BLMH: variants seen among roughly 807,000 people sequenced by gnomAD.
BLMH encodes the protein BLM hydrolase.
A neutral mutation model predicts 61.6 loss-of-function variants in BLMH; 32 were observed. The observed-to-expected ratio is 0.52, with a 90% CI of 0.39 to 0.70. The LOEUF is 0.70. Among genes scored for constraint, BLMH ranks in the 30% least tolerant of loss-of-function variants. BLMH has a pLI of 0.00. For missense variants in BLMH, 460 were observed against 555.5 expected, an observed-to-expected ratio of 0.83 and a Z score of 1.73; for synonymous variants, 183 against 193.8, an observed-to-expected ratio of 0.94 and a Z score of 0.46.
At chr17:30,270,519 A>T (rs1908240689) in intron 10 of BLMH, among the ~76,000 whole-genome samples, 1 of 151,614 alleles carries the variant, frequency 6.6e-6, no homozygotes, top group African/African-American at 2.4e-5. Context: ...AAAAAAAAAA[A>T]TGATTTTCTA....
intron 4 of BLMH, 136 bp from the exon 5 acceptor site, chr17:30,287,038 G>T: frequency 3.1e-6 from 2 of 638,330 alleles, no homozygotes; most frequent in Non-Finnish European, 2.7e-6. Flanking sequence ...TATGAAGCAG[G>T]GTTTTTTGTT....
intron 9 of BLMH, 82 bp downstream of exon 9, chr17:30,272,479 G>A (rs1332495199): frequency 1.1e-5 from 16 of 1,499,962 alleles, no homozygotes; most frequent in East Asian, 9.0e-5. Flanking sequence ...GATGAACCTC[G>A]GCAGAGTCAT....
chr17:30,287,767 C>T, intron 4 of BLMH, 39 bp downstream of exon 4: 1 of 1,608,728 alleles, frequency 6.2e-7, no homozygotes, highest in Non-Finnish European at 8.5e-7. Context: ...CTTACTTAAT[C>T]ATGCTGAGTT....
At chr17:30,255,665 G>A (rs553476256) in intron 11 of BLMH, among the ~76,000 whole-genome samples, 3 of 152,270 alleles carry the variant, frequency 2.0e-5, no homozygotes, top group Non-Finnish European at 2.9e-5. Context: ...TTGGGAGGCC[G>A]AGGCGGGCAG....
chr17:30,274,665 G>GA (rs1908369107), intron 6 of BLMH, among the ~76,000 whole-genome samples: 1 of 152,080 alleles, frequency 6.6e-6, no homozygotes, highest in South Asian at 2.1e-4. Context: ...GGAGTTGGAT[G>GA]ACAATGCCTG....
In BLMH at chr17:30,248,436, AC is replaced by A; in HGVS notation, c.*580del. On this transcript the variant is annotated 3_prime_UTR_variant, in exon 12 of 12. Transcript: ENST00000261714. The stretch of plus-strand genomic sequence containing the variant: ...ACCTGACTCAAGCAGAGATGTGCAC[AC>A]CCCACAGTTCAGAACAGGAAGGAAT... The A allele has an allele frequency of 6.9e-6, 1 of 143,998 alleles. No individual in the cohort carries two copies. Among genetic ancestry groups the A allele is most frequent in the East Asian group, 2.0e-4 (1 of 5,066 alleles). The allele number at this position is 143,998 out of a possible 1,614,324, so 8.9% of individuals were successfully genotyped here.
chr17:30,285,332 G>T, intron 6 of BLMH, 56 bp downstream of exon 6: 1 of 1,205,508 alleles, frequency 8.3e-7, no homozygotes, highest in Non-Finnish European at 1.2e-6. Context: ...TAACAGATGG[G>T]AATATTCTGA....
chr17:30,259,105 G>A (rs985583302), intron 11 of BLMH, among the ~76,000 whole-genome samples: 4 of 152,158 alleles, frequency 2.6e-5, no homozygotes, highest in Non-Finnish European at 5.9e-5. Context: ...TATCCCGTGT[G>A]TGACTCTGCG....
At chr17:30,263,316 G>A (rs1218633399) in intron 11 of BLMH, among the ~76,000 whole-genome samples, 1 of 152,094 alleles carries the variant, frequency 6.6e-6, no homozygotes, top group Non-Finnish European at 1.5e-5. Context: ...GGAATCAAAG[G>A]TGACTTCCTT....
intron 2 of BLMH, chr17:30,291,031 A>T (rs1289584967): frequency 4.8e-6 from 2 of 414,838 alleles, no homozygotes; most frequent in Non-Finnish European, 8.8e-6. Flanking sequence ...CACGGGCTAC[A>T]AACCACACAG....
intron 7 of BLMH, chr17:30,273,837 A>G: frequency 1.6e-6 from 1 of 627,244 alleles, no homozygotes; most frequent in Non-Finnish European, 2.7e-6. Flanking sequence ...AAGTCTCTGA[A>G]GAGGAACATT....
chr17:30,276,963 T>C (rs1197034986), intron 6 of BLMH, among the ~76,000 whole-genome samples: 1 of 152,234 alleles, frequency 6.6e-6, no homozygotes, highest in Non-Finnish European at 1.5e-5. Flanking sequence ...GAACACATTA[T>C]CTTTTGTGTC....
At chr17:30,260,928 C>G (rs899422250) in intron 11 of BLMH, among the ~76,000 whole-genome samples, 3 of 152,092 alleles carry the variant, frequency 2.0e-5, no homozygotes, top group African/African-American at 7.2e-5. Context: ...TATCAAAGAA[C>G]CCAGAATCCA....
intron 5 of BLMH, 98 bp downstream of exon 5, chr17:30,286,716 C>T: frequency 1.3e-6 from 1 of 797,730 alleles, no homozygotes; most frequent in Non-Finnish European, 2.1e-6. Flanking sequence ...TTATCTTGTA[C>T]ACAAACTGTA....
At chr17:30,273,783 G>T in intron 7 of BLMH, 1 of 511,076 alleles carries the variant, frequency 2.0e-6, no homozygotes. Context: ...TCCTATACAG[G>T]GGCGCATGTG....
intron 10 of BLMH, among the ~76,000 whole-genome samples, chr17:30,267,200 CAA>C (rs1006853350): frequency 1.3e-5 from 2 of 152,094 alleles, no homozygotes; most frequent in Non-Finnish European, 2.9e-5. Context: ...AATAAACTAA[CAA>C]AGCAATAAAT....
At chr17:30,287,440 A>G (rs1284290936) in intron 4 of BLMH, among the ~76,000 whole-genome samples, 1 of 152,216 alleles carries the variant, frequency 6.6e-6, no homozygotes, top group Non-Finnish European at 1.5e-5. Context: ...ATACTTTTGT[A>G]AAGTGCTCAG....
chr17:30,273,429 T>A, intron 7 of BLMH: 1 of 157,998 alleles, frequency 6.3e-6, no homozygotes, highest in Non-Finnish European at 1.4e-5. Flanking sequence ...AGCCTCCCAG[T>A]GTGCTGGGAT....
rs1240330228 is a variant in BLMH, at chr17:30,286,764, T to C, written c.552+50A>G. 2.2e-6 allele frequency: 3 copies of C among 1,377,112 alleles called. No homozygotes were observed. The South Asian group carries it at 3.6e-5, about 16-fold the overall frequency. The allele number at this position is 1,377,112 out of a possible 1,614,324, so 85.3% of individuals were successfully genotyped here. A position where few individuals can be genotyped will look rare whatever the true frequency, so the allele number is the denominator to read the frequency against. ...CAGGAACCCCTTTTAAAAAATAAGT[T>C]TGAAGGAAAGTACACTAAACTCAAT... is the stretch of plus-strand genomic sequence containing the variant. On this transcript the variant is annotated intron_variant, in intron 5 of 11. Coordinates refer to ENST00000261714, the MANE Select transcript of BLMH (RefSeq NM_000386.4).
Sources: allele counts gnomAD v4.1 joint callset (sites outside exome capture counted in the v4.1 genomes callset), GRCh38; gene constraint gnomAD v4.1.1; transcripts MANE v1.5; gene names NCBI Gene and HGNC (gene_info 2026-07-23, HGNC 2026-07-21).